Variants in ZFYVE16 observed in about 807,000 individuals in gnomAD.
The protein encoded by ZFYVE16 is zinc finger FYVE domain-containing protein 16.
ZFYVE16 carries 89 observed loss-of-function variants against 138.1 expected under a neutral mutation model. That is an observed-to-expected ratio of 0.64 (90% confidence interval 0.54 to 0.77). The LOEUF (loss-of-function observed/expected upper bound fraction) is 0.77. Among genes scored for constraint, ZFYVE16 ranks in the 30% least tolerant of loss-of-function variants. ZFYVE16 has a pLI of 0.00. For synonymous variants in ZFYVE16, 596 were observed against 618.3 expected (o/e 0.96, Z 0.53); for missense variants, 1,793 against 1,786.7 (o/e 1.00, Z -0.06).
chr5:80,455,507 C>G, intron 11 of ZFYVE16, 185 bp from the exon 12 acceptor site: 1 of 543,008 alleles, frequency 1.8e-6, no homozygotes, highest in Middle Eastern at 5.1e-4. Context: ...GCACTCCAGC[C>G]TGGGCAACAG....
rs200457980 is a variant in ZFYVE16, at chr5:80,437,310, A to G, written c.625A>G (p.Ile209Val). The G allele has an allele frequency of 6.2e-7, 1 of 1,605,116 alleles. No homozygotes were observed. The highest frequency in any genetic ancestry group is 2.2e-5 in the East Asian group (1 of 44,790). The change falls in exon 4 of 19, where the codon ATA becomes GTA. Residue 209 changes from isoleucine to valine, a missense_variant. Ile to Val is a conservative substitution (Grantham distance 29, BLOSUM62 3). Around this residue, in one of 2 missense-constraint regions of ZFYVE16, gnomAD observed 1,295 missense variants for 1,204.3 expected, o/e 1.08. Transcript: ENST00000505560. The part of the protein sequence containing the change: ...REIGGIKELG[I>V]KVDTTLSDSY... Reference sequence around the variant, plus strand: ...AATCGGAGGAATCAAAGAATTGGGTATAAAAGTAGATACAACACTTTCAGA... The same window carrying G: ...AATCGGAGGAATCAAAGAATTGGGTGTAAAAGTAGATACAACACTTTCAGA...
At chr5:80,441,404 C>T (rs931310740) in intron 5 of ZFYVE16, 1 of 985,340 alleles carries the variant, frequency 1.0e-6, no homozygotes, top group Non-Finnish European at 1.2e-6. Context: ...GTTATCTGTT[C>T]AAATTCTATT....
At chr5:80,428,284 C>T (rs1360457516) in intron 2 of ZFYVE16, among the ~76,000 whole-genome samples, 3 of 152,184 alleles carry the variant, frequency 2.0e-5, no homozygotes, top group African/African-American at 4.8e-5. Context: ...GAGGCAGCAA[C>T]ATTTGCTGTT....
At chr5:80,443,414 G>A (rs1320559018) in intron 6 of ZFYVE16, 130 bp downstream of exon 6, 28 of 1,105,048 alleles carry the variant, frequency 2.5e-5, no homozygotes, top group Non-Finnish European at 3.4e-5. Context: ...CAGGGAATTG[G>A]TTACACATGC....
intron 16 of ZFYVE16, among the ~76,000 whole-genome samples, chr5:80,473,217 T>G (rs569017727): frequency 6.6e-6 from 1 of 152,302 alleles, no homozygotes; most frequent in Non-Finnish European, 1.5e-5. Flanking sequence ...AGACACTTTT[T>G]CTTTCAGATG....
chr5:80,429,037 A>T (rs1748576814), intron 2 of ZFYVE16, among the ~76,000 whole-genome samples: 1 of 152,228 alleles, frequency 6.6e-6, no homozygotes, highest in African/African-American at 2.4e-5. Context: ...ACTCTTCAGG[A>T]TATTATTCAG....
intron 17 of ZFYVE16, 31 bp downstream of exon 17, chr5:80,473,890 T>C (rs1754633054): frequency 6.5e-7 from 1 of 1,528,886 alleles, no homozygotes; most frequent in Non-Finnish European, 9.0e-7. Context: ...CTTTACATGC[T>C]GTGTTTCAAT....
chr5:80,440,566 AT>A, intron 5 of ZFYVE16: 1 of 982,894 alleles, frequency 1.0e-6, no homozygotes, highest in Non-Finnish European at 1.2e-6. Flanking sequence ...CAACTTTAGA[AT>A]TTTGCATATG....
intron 1 of ZFYVE16, among the ~76,000 whole-genome samples, chr5:80,419,155 G>GCAGCCT (rs1746707239): frequency 6.7e-6 from 1 of 150,180 alleles, no homozygotes; most frequent in Non-Finnish European, 1.5e-5. Context: ...ATGGCTCTCT[G>GCAGCCT]CAGCCTCAGC....
rs566879419 is a variant in ZFYVE16 at position 80,414,578 on chromosome 5, A to G, written c.-94+6425A>G. On this transcript the variant is annotated intron_variant, in intron 1 of 18. Transcript: ENST00000505560. ...CAATCCTTTGATTGTGACCTGTTAT[A>G]TCTCTTTGGAAGCGTTTATATTTAT... Among the ~76,000 whole-genome samples the G allele has an allele frequency of 2.6e-5, 4 of 152,284 alleles. No individual in the cohort carries two copies. In the East Asian group the frequency reaches 5.8e-4, roughly 22 times the overall value.
rs1753929199 is a variant in ZFYVE16 at position 80,468,143 on chromosome 5, G to A, written c.4025-4618G>A. Among the ~76,000 whole-genome samples, 4 of 152,226 alleles carry A rather than the reference G, an allele frequency of 2.6e-5. No individual in the cohort carries two copies. In the South Asian group the frequency reaches 8.3e-4, roughly 32 times the overall value. ...GTTCGTTTTAGGATCAACTTGTCAG[G>A]TTTACAAAAGGTCCATGGGAATTTT... is the stretch of plus-strand genomic sequence containing the variant. On this transcript the variant is annotated intron_variant, in intron 15 of 18. Coordinates refer to ENST00000505560, the MANE Select transcript of ZFYVE16 (RefSeq NM_001284236.3).
rs755235867 is a variant in ZFYVE16, at chr5:80,437,308, G to T, written c.623G>T (p.Gly208Val). Residue 208 changes from glycine (G) to valine (V), a missense_variant, in exon 4 of 19, where the codon GGT becomes GTT. Around this residue, in one of 2 missense-constraint regions of ZFYVE16, gnomAD observed 1,295 missense variants for 1,204.3 expected, o/e 1.08. Transcript: ENST00000505560. ...GAAATCGGAGGAATCAAAGAATTGGGTATAAAAGTAGATACAACACTTTCA... is the reference window on the plus strand; with the variant it reads ...GAAATCGGAGGAATCAAAGAATTGGTTATAAAAGTAGATACAACACTTTCA... ...NREIGGIKELGIKVDTTLSDS... is the reference protein window; with the variant it reads ...NREIGGIKELVIKVDTTLSDS... The T allele has an allele frequency of 6.2e-7, 1 of 1,606,208 alleles. No individual in the cohort carries two copies. Among genetic ancestry groups the T allele is most frequent in the Admixed American group, 1.7e-5 (1 of 58,156 alleles).
At chr5:80,450,392 G>A (rs1251261257) in intron 9 of ZFYVE16, 39 bp from the exon 10 acceptor site, 1 of 1,581,696 alleles carries the variant, frequency 6.3e-7, no homozygotes, top group Non-Finnish European at 8.6e-7. Context: ...TTGACTAATA[G>A]AAGTTGACAT....
At chr5:80,455,388 G>C (rs1420671600) in intron 11 of ZFYVE16, 1 of 270,136 alleles carries the variant, frequency 3.7e-6, no homozygotes, top group African/African-American at 2.3e-5. Context: ...ACAAAAATTA[G>C]CCAGGTGTTG....
chr5:80,433,552 C>T (rs142979347), intron 2 of ZFYVE16, among the ~76,000 whole-genome samples: 2 of 151,818 alleles, frequency 1.3e-5, no homozygotes, highest in East Asian at 1.9e-4. Flanking sequence ...CAAACCTGCA[C>T]GTTATGCACA....
intron 10 of ZFYVE16, 152 bp downstream of exon 10, chr5:80,450,738 T>A (rs1751898288): frequency 1.3e-6 from 1 of 767,298 alleles, no homozygotes. Flanking sequence ...TTTTGTCTCC[T>A]TAAAACTAGC....
intron 1 of ZFYVE16, among the ~76,000 whole-genome samples, chr5:80,424,212 C>G (rs1747665336): frequency 6.6e-6 from 1 of 151,780 alleles, no homozygotes; most frequent in South Asian, 2.1e-4. Flanking sequence ...CTCCCAAATT[C>G]TTTTTCAATA....
chr5:80,412,907 G>A (rs1232545796), intron 1 of ZFYVE16, among the ~76,000 whole-genome samples: 1 of 152,222 alleles, frequency 6.6e-6, no homozygotes, highest in African/African-American at 2.4e-5. Flanking sequence ...GGGTGTGGTG[G>A]CTCACGCCTG....
At chr5:80,433,230 A>G (rs1180336871) in intron 2 of ZFYVE16, among the ~76,000 whole-genome samples, 2 of 152,228 alleles carry the variant, frequency 1.3e-5, no homozygotes, top group African/African-American at 2.4e-5. Context: ...AATGTGGCAC[A>G]TATACACCAT....
Sources: allele counts gnomAD v4.1 joint callset (sites outside exome capture counted in the v4.1 genomes callset), GRCh38; gene constraint gnomAD v4.1.1; regional missense constraint gnomAD v4.1.1; transcripts MANE v1.5; gene names NCBI Gene and HGNC (gene_info 2026-07-23, HGNC 2026-07-21).